The following GNAS variants were observed in gnomAD, a reference collection of about 807,000 sequenced individuals.
GNAS encodes protein ALEX.
GNAS carries 8 observed loss-of-function variants against 54.5 expected under a neutral mutation model. The observed-to-expected ratio is 0.15, with a 90% CI of 0.09 to 0.26. GNAS has a LOEUF of 0.26. GNAS is among the 10% of genes least tolerant of loss of function. The probability of loss-of-function intolerance (pLI) is 1.00; values close to 1 mark genes in which losing one functional copy is unlikely to be tolerated. For synonymous variants in GNAS, 204 were observed against 191.4 expected, an observed-to-expected ratio of 1.07 and a Z score of -0.54; for missense variants, 170 against 529.8, an observed-to-expected ratio of 0.32 and a Z score of 6.67.
At chr20:58,905,349 G>T (rs201476084) in intron 5 of GNAS, 34 bp from the exon 6 acceptor site, 243 of 1,193,964 alleles carry the variant, frequency 2.0e-4, no homozygotes, top group East Asian at 1.6e-3. Flanking sequence ...TCAAGCTCTT[G>T]CCTTTCTCTA....
intron 1 of GNAS, chr20:58,855,231 C>T (rs1376327056): frequency 3.1e-6 from 5 of 1,594,934 alleles, no homozygotes; most frequent in Non-Finnish European, 4.3e-6. Context: ...CCTGGAGAAG[C>T]GGGCCCAGAA....
chr20:58,839,999 TCTCAC>T (rs1231905817), upstream of GNAS: 2 of 1,274,664 alleles, frequency 1.6e-6, no homozygotes, highest in African/African-American at 2.9e-5. Flanking sequence ...CGGGCCAGCT[TCTCAC>T]CTCATAGGGT....
intron 3 of GNAS, among the ~76,000 whole-genome samples, chr20:58,902,162 G>A (rs904268505): frequency 2.0e-5 from 3 of 151,956 alleles, no homozygotes; most frequent in Non-Finnish European, 4.4e-5. Context: ...AGAGAGGCAG[G>A]ACCGTAGCAC....
At chr20:58,865,504 TATATAC>T (rs1276125315) in intron 1 of GNAS, among the ~76,000 whole-genome samples, 1 of 147,890 alleles carries the variant, frequency 6.8e-6, no homozygotes, top group Non-Finnish European at 1.5e-5. Context: ...TATCATATAA[TATATAC>T]ATATATAATA....
chr20:58,852,378 C>G (rs2086214007), intron 1 of GNAS, among the ~76,000 whole-genome samples: 1 of 152,176 alleles, frequency 6.6e-6, no homozygotes, highest in Non-Finnish European at 1.5e-5. Flanking sequence ...ACTCGGCATC[C>G]CCTCTCCCTC....
chr20:58,850,032 G>A (rs1416453145), intron 1 of GNAS, among the ~76,000 whole-genome samples: 1 of 152,022 alleles, frequency 6.6e-6, no homozygotes, highest in African/African-American at 2.4e-5. Flanking sequence ...TGCTCCCCAA[G>A]AGCCAGCCAA....
At chr20:58,850,052 T>C (rs2086095439) in intron 1 of GNAS, among the ~76,000 whole-genome samples, 1 of 152,278 alleles carries the variant, frequency 6.6e-6, no homozygotes, top group Admixed American at 6.5e-5. Context: ...AGGTGGCCAG[T>C]TGTGTTTACC....
chr20:58,893,515 T>C (rs2089734897), intron 1 of GNAS, among the ~76,000 whole-genome samples: 2 of 152,252 alleles, frequency 1.3e-5, no homozygotes, highest in Non-Finnish European at 2.9e-5. Flanking sequence ...GCTGTTCTTA[T>C]TTATTTTCCT....
intron 3 of GNAS, among the ~76,000 whole-genome samples, chr20:58,902,436 C>T (rs2090699734): frequency 6.6e-6 from 1 of 152,240 alleles, no homozygotes; most frequent in East Asian, 1.9e-4. Context: ...TCCCCAGAAG[C>T]CAAAGGGTGT....
At chr20:58,892,126 T>TCTCTCTTG (rs1011205713) in intron 1 of GNAS, 1 of 963,410 alleles carries the variant, frequency 1.0e-6, no homozygotes, top group African/African-American at 1.8e-5. Flanking sequence ...GCTCAGTGTC[T>TCTCTCTTG]CTCTCTTGCT....
At chr20:58,860,131 G>A (rs967956984) in intron 1 of GNAS, among the ~76,000 whole-genome samples, 6 of 152,134 alleles carry the variant, frequency 3.9e-5, no homozygotes, top group Admixed American at 2.0e-4. Context: ...ATAGCAAAAC[G>A]CACAGATCCC....
At chr20:58,900,355 G>A (rs768715461) in intron 3 of GNAS, 10 of 241,840 alleles carry the variant, frequency 4.1e-5, no homozygotes, top group Middle Eastern at 2.3e-3. Context: ...TGTTCTGCAA[G>A]TCAATATAAG....
At chr20:58,893,066 C>CTTTTTTT (rs869179421) in intron 1 of GNAS, among the ~76,000 whole-genome samples, 6 of 103,088 alleles carry the variant, frequency 5.8e-5, no homozygotes, top group Admixed American at 1.0e-4. Flanking sequence ...GGCGTGGTTT[C>CTTTTTTT]TTTTTTTTTT....
chr20:58,842,012 A>C (rs2085751329), intron 1 of GNAS: 1 of 847,364 alleles, frequency 1.2e-6, no homozygotes, highest in Non-Finnish European at 1.6e-6. Context: ...TTGGACGATC[A>C]GTCGTCGAAA....
chr20:58,854,690 C>T (rs1172587457), intron 1 of GNAS: 7 of 1,528,458 alleles, frequency 4.6e-6, no homozygotes, highest in Non-Finnish European at 6.1e-6. Flanking sequence ...AGGCTCCCGC[C>T]GCCCCTGCGG....
chr20:58,867,488 C>T (rs2087132381), intron 1 of GNAS: 1 of 152,188 alleles, frequency 6.6e-6, no homozygotes, highest in Admixed American at 6.6e-5. Context: ...GAGCTTACAG[C>T]GTTTACTCCT....
At chr20:58,882,284 C>G (rs1422458075) in intron 1 of GNAS, among the ~76,000 whole-genome samples, 3 of 152,186 alleles carry the variant, frequency 2.0e-5, no homozygotes, top group South Asian at 2.1e-4. Context: ...GTCTCGATCT[C>G]CTGACCTCGT....
chr20:58,854,540 C>T lies in GNAS; in HGVS notation c.43+13654C>T, dbSNP rs867492591. On this transcript the variant is annotated intron_variant, in intron 1 of 12. Coordinates refer to the GNAS transcript ENST00000306090. Reference sequence around the variant, plus strand: ...CAGCCGATCCTGACTCCGGGGCATTCGCAGCCGATCCCGACTCCGGGGCAG... The same window carrying T: ...CAGCCGATCCTGACTCCGGGGCATTTGCAGCCGATCCCGACTCCGGGGCAG... 4 of 1,578,596 alleles carry T rather than the reference C, an allele frequency of 2.5e-6. No individual in the cohort carries two copies. The highest frequency in any genetic ancestry group is 2.7e-5 in the African/African-American group (2 of 73,956).
chr20:58,900,115 T>A, intron 3 of GNAS: 2 of 569,524 alleles, frequency 3.5e-6, no homozygotes, highest in Admixed American at 3.3e-5. Flanking sequence ...CCTTAAACGA[T>A]GATTGAAAAA....
Sources: allele counts gnomAD v4.1 joint callset (sites outside exome capture counted in the v4.1 genomes callset), GRCh38; gene constraint gnomAD v4.1.1; transcripts MANE v1.5; gene names NCBI Gene and HGNC (gene_info 2026-07-23, HGNC 2026-07-21).